Variants in PHLPP2 observed in about 807,000 individuals in gnomAD.
PHLPP2 encodes the protein PH domain and leucine rich repeat protein phosphatase 2.
PHLPP2 carries 66 observed loss-of-function variants against 124.9 expected under a neutral mutation model. The ratio of observed to expected loss-of-function variants is 0.53; its 90% CI spans 0.43 to 0.65. The LOEUF is 0.65. Ranked by LOEUF, PHLPP2 falls within the 30% of genes least tolerant of loss-of-function variation. PHLPP2 has a pLI of 0.00. For synonymous variants in PHLPP2, 681 were observed against 624.7 expected (o/e 1.09, Z -1.34); for missense variants, 1,685 against 1,600.4 (o/e 1.05, Z -0.90).
At chr16:71,700,480 C>A (rs917367803) in intron 3 of PHLPP2, among the ~76,000 whole-genome samples, 1 of 149,734 alleles carries the variant, frequency 6.7e-6, no homozygotes, top group Non-Finnish European at 1.5e-5. Context: ...GGAGCTAATT[C>A]CTCTCTCTAT....
chr16:71,674,921 T>C (rs908069794), intron 9 of PHLPP2, among the ~76,000 whole-genome samples: 1 of 152,202 alleles, frequency 6.6e-6, no homozygotes, highest in South Asian at 2.1e-4. Context: ...CGCTTGAACC[T>C]GGGCAGCAGA....
chr16:71,669,193 A>C (rs2044867579), intron 11 of PHLPP2, 82 bp downstream of exon 11: 1 of 918,070 alleles, frequency 1.1e-6, no homozygotes, highest in African/African-American at 1.6e-5. Context: ...AATAAAAGGC[A>C]ACCCAAATCT....
At chr16:71,660,698 C>T (rs2044782036) in intron 13 of PHLPP2, among the ~76,000 whole-genome samples, 1 of 152,028 alleles carries the variant, frequency 6.6e-6, no homozygotes, top group Admixed American at 6.6e-5. Context: ...GCCACTGCGC[C>T]CGGCCTATAC....
chr16:71,666,981 T>C (rs765880595), intron 12 of PHLPP2, among the ~76,000 whole-genome samples, 197 bp downstream of exon 12: 3 of 152,248 alleles, frequency 2.0e-5, no homozygotes, highest in Non-Finnish European at 2.9e-5. Context: ...TTAACAGTTA[T>C]TTCAACTATG....
rs151310541 is a variant in PHLPP2 at position 71,649,311 on chromosome 16, G to C, written c.3551C>G (p.Pro1184Arg). ...CAGGGTAGGAGAACTCTCTATGAGA[G>C]GGGGTGAGTTCTCCAGATCCCTCCC... Reference protein sequence around the residue: ...CRGRDLENSPPLIESSPTLCS... With the variant: ...CRGRDLENSPRLIESSPTLCS... The change falls in exon 19 of 19, where the codon CCT (proline) becomes CGT (arginine). Residue 1184 changes from proline (P) to arginine (R), a missense_variant. Pro to Arg is a moderately radical substitution (Grantham distance 103). Transcript: ENST00000568954. The C allele has an allele frequency of 3.1e-5, 50 of 1,613,820 alleles. No homozygotes were observed. In the African/African-American group the frequency reaches 4.8e-4, roughly 15 times the overall value.
At chr16:71,700,258 A>T (rs992926863) in intron 3 of PHLPP2, among the ~76,000 whole-genome samples, 1 of 152,042 alleles carries the variant, frequency 6.6e-6, no homozygotes, top group Non-Finnish European at 1.5e-5. Flanking sequence ...TACAAAAATT[A>T]GCCAGGTGCA....
chr16:71,657,419 G>C (rs2044751343), intron 15 of PHLPP2, among the ~76,000 whole-genome samples: 1 of 142,386 alleles, frequency 7.0e-6, no homozygotes, highest in Non-Finnish European at 1.5e-5. Flanking sequence ...TTTTGAGAAG[G>C]AGTCTCGCTG....
rs770970852 is a variant in PHLPP2, at chr16:71,678,750, C to T, written c.1268+5G>A. On this transcript the variant is annotated splice_donor_5th_base_variant and intron_variant, in intron 8 of 18. Coordinates refer to ENST00000568954, the MANE Select transcript of PHLPP2 (RefSeq NM_015020.3). ...AAAGGAAGGTGTGGTAAAGAATAAC[C>T]TTACCTTAAATCCACATGCTTGATA... 2 of 1,461,818 alleles carry T rather than the reference C, an allele frequency of 1.4e-6. No individual in the cohort carries two copies. The highest frequency in any genetic ancestry group is 1.9e-6 in the Non-Finnish European group (2 of 1,041,290). 90.6% of individuals were successfully genotyped at this position (1,461,818 alleles called of 1,614,324 possible).
intron 9 of PHLPP2, among the ~76,000 whole-genome samples, chr16:71,675,034 C>G (rs891772555): frequency 2.0e-5 from 3 of 152,180 alleles, no homozygotes; most frequent in Non-Finnish European, 4.4e-5. Context: ...AAGTGATAAA[C>G]AATCTGTTAT....
intron 13 of PHLPP2, among the ~76,000 whole-genome samples, chr16:71,659,687 A>G (rs909856215): frequency 6.6e-6 from 1 of 152,242 alleles, no homozygotes; most frequent in Non-Finnish European, 1.5e-5. Flanking sequence ...ACACTGTTCC[A>G]TGACTGAGCA....
chr16:71,713,208 C>T (rs796378057), intron 2 of PHLPP2, among the ~76,000 whole-genome samples: 1 of 152,062 alleles, frequency 6.6e-6, no homozygotes, highest in Non-Finnish European at 1.5e-5. Context: ...AAAGATTTGT[C>T]GTTGGAATGC....
At chr16:71,711,066 A>C (rs929941864) in intron 2 of PHLPP2, among the ~76,000 whole-genome samples, 1 of 152,240 alleles carries the variant, frequency 6.6e-6, no homozygotes, top group South Asian at 2.1e-4. Context: ...ACGGTGGCTC[A>C]TGCCTGTAAT....
At chr16:71,723,451 G>A (rs1393757554) in intron 1 of PHLPP2, 2 of 153,478 alleles carry the variant, frequency 1.3e-5, no homozygotes, top group African/African-American at 2.4e-5. Context: ...GGCAAGCAGG[G>A]GCGGCGAAGG....
rs1292621387 is a variant in PHLPP2, at chr16:71,714,694, G to T, written c.102C>A (p.Tyr34Ter). The change falls in exon 2 of 19, where the codon TAC becomes TAA. Residue 34 changes from tyrosine to a stop codon, truncating the protein, a stop_gained. Transcript: ENST00000568954. LOFTEE classifies it high-confidence loss of function. ...CAGTGGTAGTGTCTGCTCCATAAAG[G>T]TAAACACAGCCTCTCTTTACATCTT... ...LREDVKRGCV[Y>*]LYGADTTTAT... The T allele has an allele frequency of 1.2e-6, 2 of 1,613,808 alleles. No individual in the cohort carries two copies. The highest frequency in any genetic ancestry group is 2.7e-5 in the African/African-American group (2 of 74,916).
rs1247245435 is a variant in PHLPP2, at chr16:71,653,013, C to T, written c.2594G>A (p.Gly865Glu). 1 of 1,610,358 alleles carries T rather than the reference C, an allele frequency of 6.2e-7. No homozygotes were observed. Among genetic ancestry groups the T allele is most frequent in the Non-Finnish European group, 8.5e-7 (1 of 1,178,330 alleles). ...NTFLVSHRKL[G>E]MAGQKLGSSA... The stretch of plus-strand genomic sequence containing the variant: ...GGAGCCCAACTTCTGGCCAGCCATT[C>T]CTAATTTCCTGTTCAGAAAGAAAAG... The change falls in exon 18 of 19, where the codon GGA becomes GAA. Residue 865 changes from glycine to glutamate, a missense_variant. Coordinates refer to ENST00000568954, the MANE Select transcript of PHLPP2 (RefSeq NM_015020.3).
At chr16:71,722,213 CT>C (rs1308463387) in intron 1 of PHLPP2, among the ~76,000 whole-genome samples, 5 of 152,140 alleles carry the variant, frequency 3.3e-5, no homozygotes, top group Admixed American at 6.5e-5. Flanking sequence ...GGGCGGATCA[CT>C]GGAGATCAGG....
rs777781518 is a variant in PHLPP2, at chr16:71,649,047, G to A, written c.3815C>T (p.Pro1272Leu). ...PKRKTGYFAA[P>L]TQMEPEDQFV... ...CTGGTCCTCTGGTTCCATCTGAGTG[G>A]GGGCAGCAAAATAGCCAGTTTTCCT... Residue 1272 changes from proline to leucine, a missense_variant, in exon 19 of 19, where the codon CCC (proline) becomes CTC (leucine). Pro to Leu is a moderately conservative substitution (Grantham distance 98, BLOSUM62 -3). Coordinates refer to ENST00000568954, the MANE Select transcript of PHLPP2 (RefSeq NM_015020.3). The A allele has an allele frequency of 1.2e-6, 2 of 1,614,136 alleles. No homozygotes were observed. The highest frequency in any genetic ancestry group is 1.7e-6 in the Non-Finnish European group (2 of 1,180,018).
Position 71,649,189 on chromosome 16 carries a change from C to T in PHLPP2, c.3673G>A (p.Glu1225Lys), listed in dbSNP as rs1474867444. 1.9e-6 allele frequency: 3 copies of T among 1,614,014 alleles called. No homozygotes were observed. The East Asian group carries it at 6.7e-5, about 36-fold the overall frequency. The change falls in exon 19 of 19, where the codon GAG becomes AAG. Residue 1225 changes from glutamate to lysine, a missense_variant. Physicochemically the swap from Glu to Lys is moderately conservative, Grantham distance 56. Transcript: ENST00000568954. The stretch of plus-strand genomic sequence containing the variant: ...GAGGTGGAGGGAGACTTCTGTAACT[C>T]CATCCTGTCCTTGCTCATTGGCAGG... ...MLLPMSKDRM[E>K]LQKSPSTSCL...
intron 12 of PHLPP2, 115 bp downstream of exon 12, chr16:71,667,063 G>A: frequency 1.2e-6 from 1 of 808,234 alleles, no homozygotes; most frequent in Non-Finnish European, 1.9e-6. Context: ...CTCATAGTTG[G>A]ACTATTAGGT....
Sources: gnomAD v4.1 joint callset for allele counts (sites outside exome capture counted in the v4.1 genomes callset) on GRCh38, gnomAD v4.1.1 for gene constraint, MANE v1.5 for transcripts, NCBI Gene and HGNC (gene_info 2026-07-23, HGNC 2026-07-21) for gene names.